AEBP2: variants seen among roughly 807,000 people sequenced by gnomAD.
AEBP2 encodes zinc finger protein AEBP2.
AEBP2 carries 10 observed loss-of-function variants against 50.8 expected under a neutral mutation model. That is an observed-to-expected ratio of 0.20 (90% confidence interval 0.12 to 0.33). The LOEUF is 0.33. AEBP2 is among the 10% of genes least tolerant of loss of function. The pLI, the probability that AEBP2 is intolerant of heterozygous loss-of-function variation, is 1.00. For synonymous variants in AEBP2, 296 were observed against 261.3 expected, an observed-to-expected ratio of 1.13 and a Z score of -1.28; for missense variants, 570 against 688.0, an observed-to-expected ratio of 0.83 and a Z score of 1.92.
At chr12:19,460,950 G>A (rs774587365) in intron 1 of AEBP2, among the ~76,000 whole-genome samples, 59 of 152,084 alleles carry the variant, frequency 3.9e-4, no homozygotes, top group Admixed American at 1.1e-3. Context: ...CACTGTGCCC[G>A]GCCTGAATGT....
At chr12:19,518,022 C>G (rs183192816) in intron 7 of AEBP2, 65 bp from the exon 8 acceptor site, 25 of 1,438,990 alleles carry the variant, frequency 1.7e-5, no homozygotes, top group Admixed American at 1.3e-4. Context: ...TTTTTAATGT[C>G]TCTTGAAGCA....
intron 1 of AEBP2, chr12:19,456,170 A>G (rs1021160306): frequency 9.7e-7 from 1 of 1,030,008 alleles, no homozygotes; most frequent in African/African-American, 1.6e-5. Context: ...TTAAATGGCC[A>G]ATTGAAACAA....
intron 3 of AEBP2, among the ~76,000 whole-genome samples, chr12:19,481,365 A>G (rs1948727287): frequency 6.6e-6 from 1 of 151,764 alleles, no homozygotes; most frequent in Non-Finnish European, 1.5e-5. Flanking sequence ...TGCCTCCCAG[A>G]GTGCTGGGAT....
At chr12:19,446,244 C>CT (rs1948063485) in intron 1 of AEBP2, among the ~76,000 whole-genome samples, 1 of 152,158 alleles carries the variant, frequency 6.6e-6, no homozygotes. Flanking sequence ...TCCTCAGATA[C>CT]TTTGTTTTTA....
chr12:19,487,889 T>A (rs1948834872), intron 3 of AEBP2, among the ~76,000 whole-genome samples: 1 of 152,126 alleles, frequency 6.6e-6, no homozygotes, highest in South Asian at 2.1e-4. Context: ...TAAATATTAA[T>A]GCAATTGGTG....
chr12:19,440,408 C>T (rs1348034719), intron 1 of AEBP2, 38 bp downstream of exon 1: 6 of 1,459,970 alleles, frequency 4.1e-6, no homozygotes, highest in Non-Finnish European at 4.5e-6. Context: ...CCTTCCTCCT[C>T]TTGAACTCCC....
At chr12:19,415,777 C>A (rs2095742255) in intron 1 of AEBP2, among the ~76,000 whole-genome samples, 1 of 152,114 alleles carries the variant, frequency 6.6e-6, no homozygotes, top group African/African-American at 2.4e-5. Context: ...AGGCCTGTAA[C>A]CCACACCCAT....
At chr12:19,465,791 C>CTTTTTTTTTTTTTTTTTTTTTTTTTT (rs11284427) in intron 2 of AEBP2, among the ~76,000 whole-genome samples, 2 of 107,686 alleles carry the variant, frequency 1.9e-5, no homozygotes, top group African/African-American at 7.3e-5. Flanking sequence ...ATTGTTTTTT[C>CTTTTTTTTTTTTTTTTTTTTTTTTTT]TTTTTTTTTT....
At chr12:19,409,592 G>A (rs753506404) in intron 1 of AEBP2, among the ~76,000 whole-genome samples, 1 of 152,158 alleles carries the variant, frequency 6.6e-6, no homozygotes, top group Non-Finnish European at 1.5e-5. Context: ...TTCACCAGCC[G>A]TGGGGGGAAA....
At chr12:19,440,436 A>G (rs997285101) in intron 1 of AEBP2, 66 bp downstream of exon 1, 27 of 1,436,322 alleles carry the variant, frequency 1.9e-5, no homozygotes, top group Non-Finnish European at 2.5e-5. Context: ...TCAGAGGGGG[A>G]CCAAGGCGAC....
At chr12:19,471,373 T>C (rs1173659358) in intron 2 of AEBP2, among the ~76,000 whole-genome samples, 2 of 152,168 alleles carry the variant, frequency 1.3e-5, no homozygotes, top group Admixed American at 6.5e-5. Context: ...TGCCTTGGCC[T>C]TCCAAAGTGC....
At chr12:19,474,633 T>G (rs2153372593) in intron 3 of AEBP2, among the ~76,000 whole-genome samples, 1 of 152,346 alleles carries the variant, frequency 6.6e-6, no homozygotes, top group Non-Finnish European at 1.5e-5. Context: ...ATACTGTCTG[T>G]GCCTTGCTTT....
intron 1 of AEBP2, among the ~76,000 whole-genome samples, chr12:19,410,527 A>G (rs1362504376): frequency 1.3e-5 from 2 of 152,106 alleles, no homozygotes; most frequent in African/African-American, 4.8e-5. Flanking sequence ...TGAGACAGCC[A>G]ATTCGAATAC....
chr12:19,432,763 G>C (rs1037143446), intron 1 of AEBP2, among the ~76,000 whole-genome samples: 1 of 152,100 alleles, frequency 6.6e-6, no homozygotes, highest in Non-Finnish European at 1.5e-5. Flanking sequence ...ACCTAGAATA[G>C]CAGAGCAGAG....
chr12:19,433,221 A>G (rs2153365328), intron 1 of AEBP2, among the ~76,000 whole-genome samples: 1 of 152,100 alleles, frequency 6.6e-6, no homozygotes, highest in South Asian at 2.1e-4. Context: ...CTTTGTCTCT[A>G]CTAAAAATAC....
chr12:19,504,963 G>T (rs1949134522), intron 5 of AEBP2, among the ~76,000 whole-genome samples: 1 of 152,194 alleles, frequency 6.6e-6, no homozygotes, highest in Non-Finnish European at 1.5e-5. Flanking sequence ...AAGGAAAGGA[G>T]ACTTTTTCTG....
chr12:19,472,525 T>G (rs1291845907), intron 2 of AEBP2, among the ~76,000 whole-genome samples: 1 of 152,206 alleles, frequency 6.6e-6, no homozygotes. Context: ...GGATCTGTTA[T>G]GAAAGTAGGG....
At chr12:19,465,676 A>G (rs920200654) in intron 2 of AEBP2, among the ~76,000 whole-genome samples, 5 of 151,872 alleles carry the variant, frequency 3.3e-5, no homozygotes, top group African/African-American at 7.3e-5. Context: ...ACAATAGACT[A>G]TGTGTTTTGA....
Position 19,510,323 on chromosome 12 carries a change from T to C in AEBP2, c.1300-2075T>C, listed in dbSNP as rs532201743. On this transcript the variant is annotated intron_variant, in intron 5 of 7. Coordinates refer to ENST00000266508, the MANE Select transcript of AEBP2 (RefSeq NM_153207.5). Reference sequence around the variant, plus strand: ...GTAAGCACTCAGCATTTTGAAGACATGGACTAGAGACTTTTCACCCATTAT... The same window carrying C: ...GTAAGCACTCAGCATTTTGAAGACACGGACTAGAGACTTTTCACCCATTAT... Among the ~76,000 whole-genome samples, 16 of 152,230 alleles carry C rather than the reference T, an allele frequency of 1.1e-4. 1 individual carries two copies. The South Asian group carries it at 2.1e-3, about 20-fold the overall frequency.
Sources: gnomAD v4.1 joint callset for allele counts (sites outside exome capture counted in the v4.1 genomes callset) on GRCh38, gnomAD v4.1.1 for gene constraint, MANE v1.5 for transcripts, NCBI Gene and HGNC (gene_info 2026-07-23, HGNC 2026-07-21) for gene names.